The following GTPBP8 variants were observed in gnomAD, a reference collection of about 807,000 sequenced individuals.
GTPBP8 encodes GTP-binding protein 8.
A neutral mutation model predicts 27.3 loss-of-function variants in GTPBP8; 21 were observed. The observed-to-expected ratio is 0.77, with a 90% CI of 0.55 to 1.11. The LOEUF (loss-of-function observed/expected upper bound fraction) is 1.11, where lower values mean the gene tolerates loss of function less well. GTPBP8 is among the 50% of genes least tolerant of loss of function. The pLI is 0.00. For missense variants in GTPBP8, 380 were observed against 350.8 expected (o/e 1.08, Z -0.67); for synonymous variants, 147 against 135.3 (o/e 1.09, Z -0.60).
At chr3:112,991,767 A>G in intron 1 of GTPBP8, 2 of 330,670 alleles carry the variant, frequency 6.0e-6, no homozygotes, top group Non-Finnish European at 1.2e-5. Flanking sequence ...GAATTTAGAC[A>G]GTGAAGAATA....
rs990450290 is a variant in GTPBP8 at position 113,001,135 on chromosome 3, A to C, written c.*216A>C. 31 of 461,570 alleles carry C rather than the reference A, an allele frequency of 6.7e-5. No individual in the cohort carries two copies. Among genetic ancestry groups the C allele is most frequent in the South Asian group, 6.1e-4 (20 of 32,884 alleles). The allele number at this position is 461,570 out of a possible 1,614,324, so 28.6% of individuals were successfully genotyped here. A position where few individuals can be genotyped will look rare whatever the true frequency, so the allele number is the denominator to read the frequency against. Reference sequence around the variant, plus strand: ...GTTATTGAATTATGGTGTTCATTAGAACAGCTACTAGCTGATTCCCCTATT... The same window carrying C: ...GTTATTGAATTATGGTGTTCATTAGCACAGCTACTAGCTGATTCCCCTATT... On this transcript the variant is annotated 3_prime_UTR_variant, in exon 6 of 6. Transcript: ENST00000383678.
chr3:113,000,351 G>A (rs984627328), intron 5 of GTPBP8, among the ~76,000 whole-genome samples: 2 of 152,178 alleles, frequency 1.3e-5, no homozygotes, highest in Non-Finnish European at 2.9e-5. Flanking sequence ...GGGCGACAGA[G>A]TGAGACTCTG....
Position 112,991,350 on chromosome 3 carries a change from T to G in GTPBP8, c.336+15T>G, listed in dbSNP as rs1167816941. 1 of 1,610,508 alleles carries G rather than the reference T, an allele frequency of 6.2e-7. No homozygotes were observed. Among genetic ancestry groups the G allele is most frequent in the Non-Finnish European group, 8.5e-7 (1 of 1,177,406 alleles). ...CGCGGCCAGAGGTGAGAGGCGATTC[T>G]CACGGTTCACCTGCGCGCCGGCGTC... On this transcript the variant is annotated intron_variant, in intron 1 of 5. Transcript: ENST00000383678.
intron 5 of GTPBP8, among the ~76,000 whole-genome samples, 154 bp from the exon 6 acceptor site, chr3:113,000,696 C>T (rs1013620812): frequency 6.6e-6 from 1 of 152,190 alleles, no homozygotes; most frequent in African/African-American, 2.4e-5. Flanking sequence ...TACTACAAGA[C>T]GCGGCTGGGG....
chr3:112,993,583 G>C (rs1042215861), intron 2 of GTPBP8, among the ~76,000 whole-genome samples: 1 of 152,102 alleles, frequency 6.6e-6, no homozygotes, highest in East Asian at 1.9e-4. Context: ...TGCTGTAATA[G>C]CTTTCTTTCA....
chr3:113,001,274 A>G lies in GTPBP8; in HGVS notation c.*355A>G, dbSNP rs115262002. ...TTTAAAGAATATGTCTACTATGGGT[A>G]TTTTTTTTTTAAATGTTAAAATGGG... is the stretch of plus-strand genomic sequence containing the variant. On this transcript the variant is annotated 3_prime_UTR_variant, in exon 6 of 6. Transcript: ENST00000383678. 0.053 allele frequency: 8,335 copies of G among 155,948 alleles called. 518 individuals carry two copies. The highest frequency in any genetic ancestry group is 0.15 in the African/African-American group (6,380 of 41,450). The allele number at this position is 155,948 out of a possible 1,614,324, so 9.7% of individuals were successfully genotyped here. A position where few individuals can be genotyped will look rare whatever the true frequency, so the allele number is the denominator to read the frequency against.
intron 4 of GTPBP8, among the ~76,000 whole-genome samples, chr3:112,998,974 G>A (rs1933840107): frequency 6.6e-6 from 1 of 152,014 alleles, no homozygotes; most frequent in African/African-American, 2.4e-5. Context: ...TAGAATTCTG[G>A]ACTTACTTGG....
chr3:112,993,108 G>T lies in GTPBP8; in HGVS notation c.419G>T (p.Arg140Ile). The change falls in exon 2 of 6, where the codon AGA (arginine) becomes ATA (isoleucine). Residue 140 changes from arginine to isoleucine, a missense_variant. Arg to Ile is a moderately conservative substitution (Grantham distance 97). Coordinates refer to ENST00000383678, the MANE Select transcript of GTPBP8 (RefSeq NM_014170.4). ...LFSLAPEVEV[R>I]VSKKPGHTKK... ...TCACTGGCCCCTGAGGTTGAAGTCA[G>T]AGTCTCCAAAAAACCAGTATGTTGA... The T allele has an allele frequency of 1.9e-6, 3 of 1,594,996 alleles. No homozygotes were observed. Among genetic ancestry groups the T allele is most frequent in the Non-Finnish European group, 2.6e-6 (3 of 1,163,984 alleles).
chr3:112,991,277 T>G lies in GTPBP8; in HGVS notation c.278T>G (p.Ile93Ser). Residue 93 changes from isoleucine to serine, a missense_variant, in exon 1 of 6, where the codon ATC (isoleucine) becomes AGC (serine). Ile to Ser is a moderately radical substitution (Grantham distance 142). Transcript: ENST00000383678. ...TTCACGGCCACTGAACGGAACCGCA[T>G]CGACTACGTCAGCTCCGCCGTCCGT... is the stretch of plus-strand genomic sequence containing the variant. ...NIFTATERNRIDYVSSAVRID... is the reference protein window; with the variant it reads ...NIFTATERNRSDYVSSAVRID... 6.2e-7 allele frequency: 1 copy of G among 1,613,680 alleles called. No individual in the cohort carries two copies. Among genetic ancestry groups the G allele is most frequent in the Non-Finnish European group, 8.5e-7 (1 of 1,180,032 alleles).
chr3:112,997,297 T>C (rs1933805196), intron 4 of GTPBP8, among the ~76,000 whole-genome samples: 1 of 152,224 alleles, frequency 6.6e-6, no homozygotes. Context: ...ACATAAACAT[T>C]TGTTCAGAAA....
rs779731303 is a variant in GTPBP8 at position 112,991,326 on chromosome 3, G to A, written c.327G>A (p.Pro109=). 1.9e-6 allele frequency: 3 copies of A among 1,613,522 alleles called. No individual in the cohort carries two copies. The highest frequency in any genetic ancestry group is 2.2e-5 in the South Asian group (2 of 91,086). ...AVRIDHAPDL[P]RPEVCFIGRS... ...GTATCGACCACGCCCCGGACCTTCC[G>A]CGGCCAGAGGTGAGAGGCGATTCTC... The change falls in exon 1 of 6, where the codon CCG becomes CCA. Residue 109 remains proline (P), a synonymous_variant. Transcript: ENST00000383678.
chr3:113,000,357 C>T (rs909935247), intron 5 of GTPBP8, among the ~76,000 whole-genome samples: 21 of 152,234 alleles, frequency 1.4e-4, no homozygotes, highest in African/African-American at 4.8e-4. Context: ...CAGAGTGAGA[C>T]TCTGTCTCAA....
intron 3 of GTPBP8, among the ~76,000 whole-genome samples, chr3:112,996,231 G>A (rs1038215100): frequency 1.3e-5 from 2 of 152,042 alleles, no homozygotes; most frequent in Admixed American, 6.6e-5. Flanking sequence ...GGCCGAGGTC[G>A]GCGGATCACT....
chr3:112,995,088 G>A, intron 2 of GTPBP8, 47 bp from the exon 3 acceptor site: 1 of 1,396,110 alleles, frequency 7.2e-7, no homozygotes, highest in South Asian at 1.3e-5. Context: ...TAACTAGATG[G>A]AGGACATATC....
chr3:112,997,603 T>C (rs1933810398), intron 4 of GTPBP8, among the ~76,000 whole-genome samples: 1 of 152,220 alleles, frequency 6.6e-6, no homozygotes, highest in African/African-American at 2.4e-5. Context: ...ACTCTTAAAG[T>C]TTCTTTCCAA....
rs1933911910 is a variant in GTPBP8, at chr3:113,001,508, T to C, written c.*589T>C. ...TATATATGTTGGATCTTGGGCAACT[T>C]ACTTGATTTCTCGGAAATTCATTTG... On this transcript the variant is annotated 3_prime_UTR_variant, in exon 6 of 6. Coordinates refer to ENST00000383678, the MANE Select transcript of GTPBP8 (RefSeq NM_014170.4). 6.6e-6 allele frequency: 1 copy of C among 152,224 alleles called. No individual in the cohort carries two copies. Among genetic ancestry groups the C allele is most frequent in the Non-Finnish European group, 1.5e-5 (1 of 68,024 alleles). 9.4% of individuals were successfully genotyped at this position (152,224 alleles called of 1,614,324 possible). A position where few individuals can be genotyped will look rare whatever the true frequency, so the allele number is the denominator to read the frequency against.
rs368320012 is a variant in GTPBP8 at position 112,991,216 on chromosome 3, C to G, written c.217C>G (p.Pro73Ala). Residue 73 changes from proline (P) to alanine (A), a missense_variant, in exon 1 of 6, where the codon CCA becomes GCA. Physicochemically the swap from Pro to Ala is conservative, Grantham distance 27 (BLOSUM62 -1). Coordinates refer to ENST00000383678, the MANE Select transcript of GTPBP8 (RefSeq NM_014170.4). ...AGACCTTCACCTGCGTATCTTTGAC[C>G]CAAGCCCGGAGGACATAGCCAGGGC... Reference protein sequence around the residue: ...RQDLHLRIFDPSPEDIARADN... With the variant: ...RQDLHLRIFDASPEDIARADN... The G allele has an allele frequency of 2.5e-6, 4 of 1,614,174 alleles. No individual in the cohort carries two copies. Among genetic ancestry groups the G allele is most frequent in the Non-Finnish European group, 2.5e-6 (3 of 1,180,030 alleles).
Position 112,991,052 on chromosome 3 carries a change from C to A in GTPBP8, c.53C>A (p.Ala18Glu). 1 of 1,609,540 alleles carries A rather than the reference C, an allele frequency of 6.2e-7. No homozygotes were observed. The highest frequency in any genetic ancestry group is 8.5e-7 in the Non-Finnish European group (1 of 1,176,928). The change falls in exon 1 of 6, where the codon GCG becomes GAG. Residue 18 changes from alanine to glutamate, a missense_variant. Ala to Glu is a moderately radical substitution (Grantham distance 107). Transcript: ENST00000383678. ...LGAGRLFEMP[A>E]VLERLSRYNS... ...GCGGGAAGACTCTTTGAAATGCCTG[C>A]GGTGCTAGAGCGACTGAGCCGCTAT... is the stretch of plus-strand genomic sequence containing the variant.
intron 4 of GTPBP8, among the ~76,000 whole-genome samples, chr3:112,998,360 G>C (rs1933826901): frequency 6.6e-6 from 1 of 152,106 alleles, no homozygotes; most frequent in South Asian, 2.1e-4. Flanking sequence ...GTGGCTCACA[G>C]AACTCAGGGA....
Sources: gnomAD v4.1 joint callset for allele counts (sites outside exome capture counted in the v4.1 genomes callset) on GRCh38, gnomAD v4.1.1 for gene constraint, MANE v1.5 for transcripts, NCBI Gene and HGNC (gene_info 2026-07-23, HGNC 2026-07-21) for gene names.